NSMAF: variants seen among roughly 807,000 people sequenced by gnomAD.
NSMAF encodes neutral sphingomyelinase activation associated factor.
In NSMAF, 90 loss-of-function variants were observed where a neutral mutation model predicts 134.9. The observed-to-expected ratio is 0.67, with a 90% confidence interval of 0.56 to 0.79. The LOEUF (loss-of-function observed/expected upper bound fraction) is 0.79, where lower values mean the gene tolerates loss of function less well. Among genes scored for constraint, NSMAF ranks in the 30% least tolerant of loss-of-function variants. NSMAF has a pLI of 0.00. For missense variants in NSMAF, 1,010 were observed against 1,119.0 expected (o/e 0.90, Z 1.39); for synonymous variants, 358 against 389.6 (o/e 0.92, Z 0.96).
intron 1 of NSMAF, among the ~76,000 whole-genome samples, chr8:58,643,333 C>T (rs1807376669): frequency 1.3e-5 from 2 of 152,092 alleles, no homozygotes; most frequent in South Asian, 4.1e-4. Flanking sequence ...TACAGAAACC[C>T]TGAATTTTGT....
chr8:58,639,287 A>T (rs1370256938), intron 2 of NSMAF, among the ~76,000 whole-genome samples: 4 of 126,454 alleles, frequency 3.2e-5, no homozygotes, highest in East Asian at 4.4e-4. Context: ...CCGTCTCAAT[A>T]AAAAAAAAAA....
At position 58,609,699 on chromosome 8, in the gene NSMAF, A is replaced by G; in HGVS notation, c.592T>C (p.Cys198Arg). ...QNISEKLHME[C>R]KAEMVTPLVT... ...AGAGGCGTCACCATTTCTGCTTTGC[A>G]TTCCATGTGCAGCTTTTCAGAAATG... Residue 198 changes from cysteine (C) to arginine (R), a missense_variant, in exon 10 of 31, where the codon TGC becomes CGC. Coordinates refer to ENST00000038176, the MANE Select transcript of NSMAF (RefSeq NM_003580.4). 1 of 1,614,206 alleles carries G rather than the reference A, an allele frequency of 6.2e-7. No individual in the cohort carries two copies. Among genetic ancestry groups the G allele is most frequent in the Non-Finnish European group, 8.5e-7 (1 of 1,180,018 alleles).
chr8:58,658,156 A>G (rs915245184), intron 1 of NSMAF, among the ~76,000 whole-genome samples: 1 of 152,168 alleles, frequency 6.6e-6, no homozygotes, highest in Admixed American at 6.5e-5. Flanking sequence ...ATGTTCACCC[A>G]CTCAATACAG....
chr8:58,605,259 A>G (rs1806377676), intron 12 of NSMAF, among the ~76,000 whole-genome samples: 1 of 152,204 alleles, frequency 6.6e-6, no homozygotes, highest in Admixed American at 6.5e-5. Flanking sequence ...CAAAGTCAGT[A>G]TATTGAGCAT....
chr8:58,606,956 C>T (rs1806422958), intron 11 of NSMAF, among the ~76,000 whole-genome samples: 1 of 152,164 alleles, frequency 6.6e-6, no homozygotes, highest in African/African-American at 2.4e-5. Flanking sequence ...GCTCTATACC[C>T]AAAAGAGGAG....
At chr8:58,652,000 G>A (rs185184528) in intron 1 of NSMAF, among the ~76,000 whole-genome samples, 35 of 152,238 alleles carry the variant, frequency 2.3e-4, no homozygotes, top group Non-Finnish European at 4.1e-4. Flanking sequence ...AATAAGCACT[G>A]GCCAGTAGCC....
intron 1 of NSMAF, among the ~76,000 whole-genome samples, chr8:58,652,842 A>T (rs1807616975): frequency 1.3e-5 from 2 of 152,226 alleles, no homozygotes; most frequent in Non-Finnish European, 1.5e-5. Flanking sequence ...GACAGACAAA[A>T]ACAGAGGTGG....
intron 11 of NSMAF, among the ~76,000 whole-genome samples, chr8:58,606,770 A>G (rs573534025): frequency 6.6e-6 from 1 of 152,236 alleles, no homozygotes; most frequent in African/African-American, 2.4e-5. Context: ...TTCACCATGT[A>G]CTAGCTGGGA....
chr8:58,586,045 T>A, intron 28 of NSMAF, 45 bp from the exon 29 acceptor site: 1 of 1,443,642 alleles, frequency 6.9e-7, no homozygotes, highest in Non-Finnish European at 9.7e-7. Context: ...AGCTTCAGAA[T>A]GTGGTTTACA....
At position 58,583,873 on chromosome 8, in the gene NSMAF, C is replaced by G. The variant is rs1805824455; in HGVS notation, c.*233G>C. 1 of 521,090 alleles carries G rather than the reference C, an allele frequency of 1.9e-6. No individual in the cohort carries two copies. Among genetic ancestry groups the G allele is most frequent in the African/African-American group, 1.9e-5 (1 of 51,800 alleles). The allele number at this position is 521,090 out of a possible 1,614,324, so 32.3% of individuals were successfully genotyped here. ...ATCATCATACGGGGACGATCATCTG[C>G]CTTACAGTGTAACATGTTTTTCCTA... On this transcript the variant is annotated 3_prime_UTR_variant, in exon 31 of 31. Transcript: ENST00000038176.
At chr8:58,622,479 C>T (rs532654206) in intron 9 of NSMAF, among the ~76,000 whole-genome samples, 3 of 152,068 alleles carry the variant, frequency 2.0e-5, no homozygotes, top group South Asian at 2.1e-4. Flanking sequence ...CTGCAACCTC[C>T]GCTTCCCAGG....
intron 9 of NSMAF, among the ~76,000 whole-genome samples, chr8:58,612,672 C>T (rs1010279150): frequency 4.6e-5 from 7 of 152,082 alleles, no homozygotes; most frequent in African/African-American, 1.2e-4. Flanking sequence ...GAGCTCTTAA[C>T]CTCTGGGGTC....
intron 1 of NSMAF, among the ~76,000 whole-genome samples, chr8:58,649,424 TG>T (rs1807532384): frequency 6.6e-6 from 1 of 152,150 alleles, no homozygotes; most frequent in Admixed American, 6.5e-5. Context: ...GTTAACACTT[TG>T]GGGGACTATT....
intron 26 of NSMAF, chr8:58,588,795 T>C (rs889114112): frequency 2.1e-6 from 2 of 960,708 alleles, no homozygotes; most frequent in African/African-American, 1.6e-5. Flanking sequence ...AGAGCTAACT[T>C]GACATTTTCT....
intron 2 of NSMAF, chr8:58,640,013 G>A (rs1424514039): frequency 2.2e-6 from 1 of 453,140 alleles, no homozygotes. Context: ...TCAGGCAAGA[G>A]TAAGTTAAAC....
chr8:58,596,870 G>A (rs1806147329), intron 21 of NSMAF, among the ~76,000 whole-genome samples: 1 of 151,236 alleles, frequency 6.6e-6, no homozygotes, highest in Non-Finnish European at 1.5e-5. Flanking sequence ...GGCGGAGCTT[G>A]CAGTGAGCCG....
intron 27 of NSMAF, among the ~76,000 whole-genome samples, chr8:58,587,352 A>G (rs1287065857): frequency 6.6e-6 from 1 of 152,242 alleles, no homozygotes; most frequent in African/African-American, 2.4e-5. Flanking sequence ...CGTCCTGCTC[A>G]GAAACTACTA....
intron 27 of NSMAF, among the ~76,000 whole-genome samples, chr8:58,587,007 G>A (rs1234837319): frequency 6.6e-6 from 1 of 152,182 alleles, no homozygotes; most frequent in Non-Finnish European, 1.5e-5. Context: ...GGCTATACTT[G>A]CACATCATCA....
At chr8:58,593,652 AGGGAGAGAACAAT>A (rs1454269024) in intron 23 of NSMAF, among the ~76,000 whole-genome samples, 1 of 152,212 alleles carries the variant, frequency 6.6e-6, no homozygotes, top group Non-Finnish European at 1.5e-5. Flanking sequence ...GCAGACTACC[AGGGAGAGAACAAT>A]GGTGTATATA....
Sources: allele counts gnomAD v4.1 joint callset (sites outside exome capture counted in the v4.1 genomes callset), GRCh38; gene constraint gnomAD v4.1.1; transcripts MANE v1.5; gene names NCBI Gene and HGNC (gene_info 2026-07-23, HGNC 2026-07-21).